Variants in SEMA6B observed in about 807,000 individuals in gnomAD.
SEMA6B encodes semaphorin-6B.
SEMA6B carries 47 observed loss-of-function variants against 78.6 expected under a neutral mutation model. The observed-to-expected ratio is 0.60, with a 90% CI of 0.47 to 0.76. The LOEUF is 0.76. Among genes scored for constraint, SEMA6B ranks in the 30% least tolerant of loss-of-function variants. The probability of loss-of-function intolerance (pLI) is 0.00; values close to 1 mark genes in which losing one functional copy is unlikely to be tolerated. For synonymous variants in SEMA6B, 632 were observed against 592.2 expected (o/e 1.07, Z -0.98); for missense variants, 1,213 against 1,269.9 (o/e 0.96, Z 0.68).
At position 4,555,398 on chromosome 19, in the gene SEMA6B, C is replaced by G; in HGVS notation, c.562+76G>C. 7.5e-7 allele frequency: 1 copy of G among 1,334,800 alleles called. No homozygotes were observed. 82.7% of individuals were successfully genotyped at this position (1,334,800 alleles called of 1,614,324 possible). On this transcript the variant is annotated intron_variant, in intron 7 of 16. Transcript: ENST00000586582. The surrounding 1 kb of genome is among the most constrained non-coding windows in gnomAD (Gnocchi z 6.1). ...GTCGTCCAGCTGCCTTCTAAACAAC[C>G]CAGACGCTGGAGTAGAAAATGCCAG...
intron 10 of SEMA6B, 95 bp from the exon 11 acceptor site, chr19:4,551,025 A>G (rs2040272539): frequency 4.2e-6 from 6 of 1,426,432 alleles, no homozygotes; most frequent in Middle Eastern, 2.2e-4. Flanking sequence ...GAGCCAGTGA[A>G]TCTTCAGTCT....
rs1977302061 is a variant in SEMA6B, at chr19:4,550,575, G to A, written c.1121+224C>T. On this transcript the variant is annotated intron_variant, in intron 11 of 16. Coordinates refer to ENST00000586582, the MANE Select transcript of SEMA6B (RefSeq NM_032108.4). The surrounding 1 kb of genome is among the most constrained non-coding windows in gnomAD (Gnocchi z 6.6). The stretch of plus-strand genomic sequence containing the variant: ...GACAGGGTTTCGCCATGTTGGTCGG[G>A]CTGGTCTCAAACCCTCGACCTCAGG... Among the ~76,000 whole-genome samples the A allele has an allele frequency of 6.6e-6, 1 of 152,080 alleles. No individual in the cohort carries two copies. Among genetic ancestry groups the A allele is most frequent in the African/African-American group, 2.4e-5 (1 of 41,406 alleles).
chr19:4,546,465 A>G lies in SEMA6B; in HGVS notation c.1606T>C (p.Cys536Arg). Reference protein sequence around the residue: ...CQQYSGCMKNCIGSQDPYCGW... With the variant: ...CQQYSGCMKNRIGSQDPYCGW... ...CAGTAGGGGTCCTGACTGCCGATACAGTTCCTAGAGCAGACCAGGGACCGA... is the reference window on the plus strand; with the variant it reads ...CAGTAGGGGTCCTGACTGCCGATACGGTTCCTAGAGCAGACCAGGGACCGA... Residue 536 changes from cysteine (C) to arginine (R), a missense_variant, in exon 15 of 17, where the codon TGT becomes CGT. Physicochemically the swap from Cys to Arg is radical, Grantham distance 180. Coordinates refer to ENST00000586582, the MANE Select transcript of SEMA6B (RefSeq NM_032108.4). 1 of 1,561,642 alleles carries G rather than the reference A, an allele frequency of 6.4e-7. No individual in the cohort carries two copies. The highest frequency in any genetic ancestry group is 8.7e-7 in the Non-Finnish European group (1 of 1,152,312).
chr19:4,549,482 T>TTTTA (rs1977261856), intron 12 of SEMA6B, among the ~76,000 whole-genome samples: 1 of 149,154 alleles, frequency 6.7e-6, no homozygotes, highest in African/African-American at 2.5e-5. Context: ...TTGTATTTTA[T>TTTTA]TTTATTTTAT....
Position 4,552,803 on chromosome 19 carries a change from C to A in SEMA6B, c.772-164G>T, listed in dbSNP as rs1337407473. Reference sequence around the variant, plus strand: ...CCTCTCTGGGCACCGGCTTCCCTGGCAGAAATTCCCGGTGGGAATGTCAAT... The same window carrying A: ...CCTCTCTGGGCACCGGCTTCCCTGGAAGAAATTCCCGGTGGGAATGTCAAT... On this transcript the variant is annotated intron_variant, in intron 9 of 16. Transcript: ENST00000586582. The surrounding 1 kb of genome is among the most constrained non-coding windows in gnomAD (Gnocchi z 7.4). Among the ~76,000 whole-genome samples, 1 of 152,204 alleles carries A rather than the reference C, an allele frequency of 6.6e-6. No homozygotes were observed. The highest frequency in any genetic ancestry group is 1.5e-5 in the Non-Finnish European group (1 of 68,040).
chr19:4,553,745 TGG>T (rs1977397660), intron 9 of SEMA6B, among the ~76,000 whole-genome samples: 2 of 18,210 alleles, frequency 1.1e-4, no homozygotes, highest in Non-Finnish European at 1.1e-4. Context: ...GGTGGGTGGG[TGG>T]GTGTGTTGGT....
At chr19:4,547,642 G>A (rs1977203626) in intron 14 of SEMA6B, among the ~76,000 whole-genome samples, 1 of 152,094 alleles carries the variant, frequency 6.6e-6, no homozygotes, top group South Asian at 2.1e-4. Context: ...AGCCACCAGA[G>A]GGCACCTGTA....
chr19:4,544,388 C>G lies in SEMA6B; in HGVS notation c.1880G>C (p.Arg627Pro), dbSNP rs758743385. The G allele has an allele frequency of 1.9e-6, 3 of 1,596,914 alleles. No homozygotes were observed. Among genetic ancestry groups the G allele is most frequent in the Non-Finnish European group, 2.6e-6 (3 of 1,173,532 alleles). The change falls in exon 17 of 17, where the codon CGG (arginine) becomes CCG (proline). Residue 627 changes from arginine to proline, a missense_variant. Physicochemically the swap from Arg to Pro is moderately radical, Grantham distance 103 (BLOSUM62 -2). Transcript: ENST00000586582. This position sits in a 1 kb window ranked among gnomAD's most constrained non-coding sequence, Gnocchi z 5.1. ...SVGWFVGLRE[R>P]RELARRKDKE... is the part of the protein sequence containing the mutation. ...GTCCTTGCGCCGGGCCAGCTCCCGCCGCTCACGGAGGCCCACGAACCAGCC... is the reference window on the plus strand; with the variant it reads ...GTCCTTGCGCCGGGCCAGCTCCCGCGGCTCACGGAGGCCCACGAACCAGCC...
rs1977068970 is a variant in SEMA6B, at chr19:4,543,332, A to C, written c.*269T>G. On this transcript the variant is annotated 3_prime_UTR_variant, in exon 17 of 17. Transcript: ENST00000586582. ...AACCAAAACTGCAAAAAAAACCAAA[A>C]CCTACGCGCATAAGGTCAACCTCAA... is the stretch of plus-strand genomic sequence containing the variant. 2 of 450,068 alleles carry C rather than the reference A, an allele frequency of 4.4e-6. No homozygotes were observed. Among genetic ancestry groups the C allele is most frequent in the Admixed American group, 3.9e-5 (1 of 25,534 alleles). 27.9% of individuals were successfully genotyped at this position (450,068 alleles called of 1,614,324 possible). A position where few individuals can be genotyped will look rare whatever the true frequency, so the allele number is the denominator to read the frequency against.
chr19:4,544,420 G>A lies in SEMA6B; in HGVS notation c.1848C>T (p.Phe616=), dbSNP rs755066405. 14 of 1,604,130 alleles carry A rather than the reference G, an allele frequency of 8.7e-6. No individual in the cohort carries two copies. The African/African-American group carries it at 1.8e-4, about 20-fold the overall frequency. The change falls in exon 17 of 17, where the codon TTC becomes TTT. Residue 616 remains phenylalanine (F), a synonymous_variant. Transcript: ENST00000586582. The surrounding 1 kb of genome is among the most constrained non-coding windows in gnomAD (Gnocchi z 5.1). The part of the protein sequence containing the change: ...AFVVGAVVSG[F]SVGWFVGLRE... Reference sequence around the variant, plus strand: ...GGAGGCCCACGAACCAGCCCACGCTGAAGCCGGACACCACGGCTCCCACCA... The same window carrying A: ...GGAGGCCCACGAACCAGCCCACGCTAAAGCCGGACACCACGGCTCCCACCA...
rs1000014149 is a variant in SEMA6B at position 4,542,755 on chromosome 19, G to A, written c.*846C>T. Reference sequence around the variant, plus strand: ...CATGGGACTCTCTCACCACCCTGGGGCCGTATTTACAGAGGGGCCCCACCC... The same window carrying A: ...CATGGGACTCTCTCACCACCCTGGGACCGTATTTACAGAGGGGCCCCACCC... On this transcript the variant is annotated 3_prime_UTR_variant, in exon 17 of 17. Coordinates refer to ENST00000586582, the MANE Select transcript of SEMA6B (RefSeq NM_032108.4). 9 of 700,110 alleles carry A rather than the reference G, an allele frequency of 1.3e-5. No individual in the cohort carries two copies. Among genetic ancestry groups the A allele is most frequent in the Non-Finnish European group, 2.3e-5 (9 of 384,326 alleles). The allele number at this position is 700,110 out of a possible 1,614,324, so 43.4% of individuals were successfully genotyped here.
At chr19:4,547,416 C>T (rs555318933) in intron 14 of SEMA6B, among the ~76,000 whole-genome samples, 3 of 152,354 alleles carry the variant, frequency 2.0e-5, no homozygotes, top group South Asian at 4.1e-4. Context: ...GCCCAGGCAT[C>T]GTGCCAGAGG....
chr19:4,546,093 C>T, intron 16 of SEMA6B, 123 bp downstream of exon 16: 1 of 1,058,666 alleles, frequency 9.4e-7, no homozygotes, highest in Non-Finnish European at 1.3e-6. Context: ...TTCTAAAGTT[C>T]TCTGATGGAG....
At position 4,550,787 on chromosome 19, in the gene SEMA6B, G is replaced by C. The variant is rs200904773; in HGVS notation, c.1121+12C>G. 1 of 1,613,066 alleles carries C rather than the reference G, an allele frequency of 6.2e-7. No homozygotes were observed. The highest frequency in any genetic ancestry group is 1.3e-5 in the African/African-American group (1 of 75,030). On this transcript the variant is annotated intron_variant, in intron 11 of 16. Coordinates refer to ENST00000586582, the MANE Select transcript of SEMA6B (RefSeq NM_032108.4). This position sits in a 1 kb window ranked among gnomAD's most constrained non-coding sequence, Gnocchi z 6.6. ...ATCCGGGCATGTGACTCAGGATGGA[G>C]GGGGTTCTCACCGGGGTCGAGGCAC...
chr19:4,558,427 G>A lies in SEMA6B; in HGVS notation c.31C>T (p.Pro11Ser). Residue 11 changes from proline (P) to serine (S), a missense_variant, in exon 2 of 17, where the codon CCG (proline) becomes TCG (serine). Coordinates refer to ENST00000586582, the MANE Select transcript of SEMA6B (RefSeq NM_032108.4). This position sits in a 1 kb window ranked among gnomAD's most constrained non-coding sequence, Gnocchi z 5.1. ...AGCAGCAGCAGAAGCAGCAGGGCCGGGCGGGGAGGGGACGCTCGCGGGGTC... is the reference window on the plus strand; with the variant it reads ...AGCAGCAGCAGAAGCAGCAGGGCCGAGCGGGGAGGGGACGCTCGCGGGGTC... MQTPRASPPR[P>S]ALLLLLLLLG... is the part of the protein sequence containing the mutation. 1 of 1,257,456 alleles carries A rather than the reference G, an allele frequency of 8.0e-7. No individual in the cohort carries two copies. The highest frequency in any genetic ancestry group is 1.0e-6 in the Non-Finnish European group (1 of 994,336). The allele number at this position is 1,257,456 out of a possible 1,614,324, so 77.9% of individuals were successfully genotyped here.
At chr19:4,547,998 C>CT (rs1217993028) in intron 14 of SEMA6B, 29 bp downstream of exon 14, 18 of 1,516,508 alleles carry the variant, frequency 1.2e-5, no homozygotes, top group African/African-American at 2.7e-5. Context: ...TTGCTTCCCG[C>CT]CCACGGCTGG....
chr19:4,542,837 T>A lies in SEMA6B; in HGVS notation c.*764A>T, dbSNP rs1188982720. ...TTAGACAGCTGCTGCCGATGTGACT[T>A]CCGGGCAGGCCCTCCTCGTGTCTCC... is the stretch of plus-strand genomic sequence containing the variant. On this transcript the variant is annotated 3_prime_UTR_variant, in exon 17 of 17. Transcript: ENST00000586582. 3 of 701,760 alleles carry A rather than the reference T, an allele frequency of 4.3e-6. No homozygotes were observed. The highest frequency in any genetic ancestry group is 7.8e-6 in the Non-Finnish European group (3 of 384,716). 43.5% of individuals were successfully genotyped at this position (701,760 alleles called of 1,614,324 possible).
In SEMA6B at chr19:4,557,182, G is replaced by A. The variant is rs1351704557; in HGVS notation, c.287C>T (p.Thr96Met). 1.2e-6 allele frequency: 2 copies of A among 1,608,266 alleles called. No homozygotes were observed. Among genetic ancestry groups the A allele is most frequent in the Non-Finnish European group, 1.7e-6 (2 of 1,176,800 alleles). The change falls in exon 4 of 17, where the codon ACG becomes ATG. Residue 96 changes from threonine (T) to methionine (M), a missense_variant. Transcript: ENST00000586582. ...CCTCACCCTCTGGTACCGCAGCTCC[G>A]TGGACGTGGGGGGCTCCAGCTCTAC... ...YRVELEPPTS[T>M]ELRYQRKLTW...
chr19:4,543,813 G>A lies in SEMA6B; in HGVS notation c.2455C>T (p.Arg819Trp), dbSNP rs1199714131. 12 of 1,217,212 alleles carry A rather than the reference G, an allele frequency of 9.9e-6. No homozygotes were observed. Among genetic ancestry groups the A allele is most frequent in the East Asian group, 3.3e-5 (1 of 30,442 alleles). The allele number at this position is 1,217,212 out of a possible 1,614,324, so 75.4% of individuals were successfully genotyped here. A position where few individuals can be genotyped will look rare whatever the true frequency, so the allele number is the denominator to read the frequency against. ...DPASAADGLP[R>W]PWSPPPTGSL... ...CCCGTCGGGGGCGGGCTCCAGGGCCGCGGGAGGCCATCGGCGGCTGAGGCT... is the reference window on the plus strand; with the variant it reads ...CCCGTCGGGGGCGGGCTCCAGGGCCACGGGAGGCCATCGGCGGCTGAGGCT... The change falls in exon 17 of 17, where the codon CGG (arginine) becomes TGG (tryptophan). Residue 819 changes from arginine to tryptophan, a missense_variant. Transcript: ENST00000586582.
Sources: allele counts gnomAD v4.1 joint callset (sites outside exome capture counted in the v4.1 genomes callset), GRCh38; gene constraint gnomAD v4.1.1; non-coding constraint Gnocchi (gnomAD v3.1); transcripts MANE v1.5; gene names NCBI Gene and HGNC (gene_info 2026-07-23, HGNC 2026-07-21).